The following MIB2 variants were observed in gnomAD, a reference collection of about 807,000 sequenced individuals.
MIB2 encodes the protein MIB E3 ubiquitin protein ligase 2, also known as E3 ubiquitin-protein ligase MIB2.
Under a neutral mutation model 96.6 loss-of-function variants are expected in MIB2, and 78 were observed. That is an observed-to-expected ratio of 0.81 (90% confidence interval 0.67 to 0.97). The LOEUF (loss-of-function observed/expected upper bound fraction) is 0.97, where lower values mean the gene tolerates loss of function less well. Ranked by LOEUF, MIB2 falls within the 50% of genes least tolerant of loss-of-function variation. The probability of loss-of-function intolerance (pLI) is 0.00; values close to 1 mark genes in which losing one functional copy is unlikely to be tolerated. For synonymous variants in MIB2, 820 were observed against 629.5 expected (o/e 1.30, Z -4.53); for missense variants, 1,543 against 1,424.0 (o/e 1.08, Z -1.35).
Position 1,625,559 on chromosome 1 carries a change from C to T in MIB2, c.878C>T (p.Thr293Met), listed in dbSNP as rs771357967. The change falls in exon 8 of 20, where the codon ACG (threonine) becomes ATG (methionine). Residue 293 changes from threonine to methionine, a missense_variant. By Grantham distance (81) the Thr-to-Met change is moderately conservative. Transcript: ENST00000355826. This position sits in a 1 kb window ranked among gnomAD's most constrained non-coding sequence, Gnocchi z 5.0. ...NPRMAEFIGQ[T>M]GTVHRITDRG... ...GACCCGCCACAGTTTATCGGACAGA[C>T]GGGCACCGTGCATCGTATCACGGAC... 22 of 1,581,672 alleles carry T rather than the reference C, an allele frequency of 1.4e-5. No homozygotes were observed. The highest frequency in any genetic ancestry group is 1.7e-4 in the Middle Eastern group (1 of 6,044).
chr1:1,620,726 G>A (rs1644186186), intron 2 of MIB2, among the ~76,000 whole-genome samples: 1 of 152,264 alleles, frequency 6.6e-6, no homozygotes. Context: ...CTTCTTGGGT[G>A]CTCCATGGGC....
In MIB2 at chr1:1,625,293, G is replaced by T. The variant is rs369675437; in HGVS notation, c.729G>T (p.Pro243=). The T allele has an allele frequency of 1.3e-6, 2 of 1,588,844 alleles. No individual in the cohort carries two copies. Among genetic ancestry groups the T allele is most frequent in the South Asian group, 1.1e-5 (1 of 88,678 alleles). The change falls in exon 7 of 20, where the codon CCG becomes CCT. Residue 243 remains proline, a synonymous_variant. Transcript: ENST00000355826. The surrounding 1 kb of genome is among the most constrained non-coding windows in gnomAD (Gnocchi z 5.0). ...GTCTGCCACCCTCCGCAGGCAAGCCGGCGGAGCTGCAGCGCAGGGTGAGTG... is the reference window on the plus strand; with the variant it reads ...GTCTGCCACCCTCCGCAGGCAAGCCTGCGGAGCTGCAGCGCAGGGTGAGTG... ...YKDHLPRLGK[P]AELQRRVSAD...
chr1:1,616,639 T>A (rs1405466737), intron 2 of MIB2, 25 bp downstream of exon 2: 1 of 1,546,828 alleles, frequency 6.5e-7, no homozygotes. Context: ...GTCCGCGGCC[T>A]GATAGTTTGC....
chr1:1,630,470 G>A lies in MIB2; in HGVS notation c.2808G>A (p.Ala936=), dbSNP rs371096916. The change falls in exon 20 of 20, where the codon GCG becomes GCA. Residue 936 remains alanine, a synonymous_variant. Transcript: ENST00000355826. ...GCGCATGCGCCCCCTGCGGCTCCGC[G>A]CTCAGCGCCTGCCCCATCTGCCGCC... The part of the protein sequence containing the change: ...GHGACAPCGS[A]LSACPICRQP... 4.6e-5 allele frequency: 74 copies of A among 1,593,800 alleles called. No homozygotes were observed. Among genetic ancestry groups the A allele is most frequent in the Non-Finnish European group, 6.1e-5 (72 of 1,174,324 alleles).
rs1220928204 is a variant in MIB2 at position 1,628,546 on chromosome 1, G to A, written c.2026G>A (p.Val676Met). ...RKLQSPLHLA[V>M]QQAHVGLVPL... ...GCTGCAGTCCCCGCTGCATCTCGCC[G>A]TGCAACAGGCCCACGTGGGGCTGGT... Residue 676 changes from valine (V) to methionine (M), a missense_variant, in exon 16 of 20, where the codon GTG (valine) becomes ATG (methionine). Val to Met is a conservative substitution (Grantham distance 21). Transcript: ENST00000355826. 3.1e-6 allele frequency: 5 copies of A among 1,601,462 alleles called. No homozygotes were observed. Among genetic ancestry groups the A allele is most frequent in the Non-Finnish European group, 4.2e-6 (5 of 1,178,776 alleles).
Position 1,626,938 on chromosome 1 carries a change from G to A in MIB2, c.1179G>A (p.Val393=). ...QRWTFSPSCL[V]AYRPEEDANL... ...GGACCTTCAGCCCCTCCTGCCTGGT[G>A]GCCTACCGGCCCGAGGAGGATGCCA... Residue 393 remains valine (V), a synonymous_variant, in exon 10 of 20, where the codon GTG becomes GTA. Coordinates refer to ENST00000355826, the MANE Select transcript of MIB2 (RefSeq NM_001170687.4). This position sits in a 1 kb window ranked among gnomAD's most constrained non-coding sequence, Gnocchi z 5.3. The A allele has an allele frequency of 6.2e-7, 1 of 1,610,782 alleles. No individual in the cohort carries two copies. The highest frequency in any genetic ancestry group is 1.1e-5 in the South Asian group (1 of 90,900).
chr1:1,615,361 C>G, upstream of MIB2: 2 of 1,409,662 alleles, frequency 1.4e-6, no homozygotes, highest in Admixed American at 6.4e-5. Context: ...CTAAGCCGCT[C>G]GGAACCTAGC....
rs779002812 is a variant in MIB2 at position 1,627,227 on chromosome 1, C to G, written c.1374+20C>G. 13 of 1,611,302 alleles carry G rather than the reference C, an allele frequency of 8.1e-6. No individual in the cohort carries two copies. The highest frequency in any genetic ancestry group is 1.7e-5 in the Admixed American group (1 of 59,740). ...GAGCAGGCAAGCTCCTGACCCCGTCCTCCCATACTGGCCAGTCTGAGAGTG... is the reference window on the plus strand; with the variant it reads ...GAGCAGGCAAGCTCCTGACCCCGTCGTCCCATACTGGCCAGTCTGAGAGTG... On this transcript the variant is annotated intron_variant, in intron 11 of 19. Coordinates refer to ENST00000355826, the MANE Select transcript of MIB2 (RefSeq NM_001170687.4).
chr1:1,623,080 T>C lies in MIB2; in HGVS notation c.-22-351T>C, dbSNP rs1644406184. On this transcript the variant is annotated intron_variant, in intron 2 of 19. Coordinates refer to ENST00000355826, the MANE Select transcript of MIB2 (RefSeq NM_001170687.4). Reference sequence around the variant, plus strand: ...CAGCTCTTACTTTAGTGAAGTCCAGTGTCCAGCTCATTAATTGGCTGTGGG... The same window carrying C: ...CAGCTCTTACTTTAGTGAAGTCCAGCGTCCAGCTCATTAATTGGCTGTGGG... The C allele has an allele frequency of 9.2e-6, 4 of 433,146 alleles. No individual in the cohort carries two copies. The East Asian group carries it at 1.7e-4, about 18-fold the overall frequency. The allele number at this position is 433,146 out of a possible 1,614,324, so 26.8% of individuals were successfully genotyped here.
At chr1:1,616,432 C>T in intron 1 of MIB2, 76 bp from the exon 2 acceptor site, 1 of 1,102,770 alleles carries the variant, frequency 9.1e-7, no homozygotes, top group South Asian at 1.6e-5. Context: ...CGGCGGGCAG[C>T]CCCGGGGGCA....
At chr1:1,616,948 G>T (rs1460081102) in intron 2 of MIB2, 1 of 279,210 alleles carries the variant, frequency 3.6e-6, no homozygotes, top group South Asian at 3.3e-5. Context: ...TGAATGTGGC[G>T]CTCTCCTGGC....
intron 1 of MIB2, chr1:1,615,904 C>G: frequency 6.9e-6 from 7 of 1,016,132 alleles, no homozygotes; most frequent in Non-Finnish European, 8.2e-6. Context: ...CTGGGGTCGG[C>G]GCTGGGGTCG....
At chr1:1,624,708 C>A in intron 4 of MIB2, 87 bp from the exon 5 acceptor site, 1 of 1,264,126 alleles carries the variant, frequency 7.9e-7, no homozygotes, top group Non-Finnish European at 1.1e-6. Flanking sequence ...AGGGGGCCTG[C>A]TCCACTGCAT....
In MIB2 at chr1:1,626,568, T is replaced by C; in HGVS notation, c.973-82T>C. ...GTCAGGCCTGCCTGTCTCGTGGAGC[T>C]CAGCAGGTTGCCCTCCTGTTGCATG... On this transcript the variant is annotated intron_variant, in intron 8 of 19. Coordinates refer to ENST00000355826, the MANE Select transcript of MIB2 (RefSeq NM_001170687.4). This position sits in a 1 kb window ranked among gnomAD's most constrained non-coding sequence, Gnocchi z 5.3. 11 of 1,201,120 alleles carry C rather than the reference T, an allele frequency of 9.2e-6. No homozygotes were observed. Among genetic ancestry groups the C allele is most frequent in the Non-Finnish European group, 1.1e-5 (10 of 874,288 alleles). 74.4% of individuals were successfully genotyped at this position (1,201,120 alleles called of 1,614,324 possible). A position where few individuals can be genotyped will look rare whatever the true frequency, so the allele number is the denominator to read the frequency against.
At position 1,628,587 on chromosome 1, in the gene MIB2, C is replaced by T. The variant is rs757569407; in HGVS notation, c.2067C>T (p.Asp689=). 15 of 1,600,772 alleles carry T rather than the reference C, an allele frequency of 9.4e-6. No individual in the cohort carries two copies. The highest frequency in any genetic ancestry group is 2.2e-5 in the South Asian group (2 of 90,310). The change falls in exon 16 of 20, where the codon GAC becomes GAT. Residue 689 remains aspartate (D), a synonymous_variant. Transcript: ENST00000355826. The stretch of plus-strand genomic sequence containing the variant: ...TGGGGCTGGTGCCGCTACTGGTGGA[C>T]GCTGGGTGCAGTGTCAACGCCGAGG... ...AHVGLVPLLV[D]AGCSVNAEDE...
intron 2 of MIB2, chr1:1,622,982 C>T (rs1256895050): frequency 4.1e-6 from 1 of 242,238 alleles, no homozygotes; most frequent in Admixed American, 5.4e-5. Flanking sequence ...CACGAGTCCT[C>T]TGAGGGACGC....
rs1644716038 is a variant in MIB2, at chr1:1,625,907, A to G, written c.972+254A>G. Reference sequence around the variant, plus strand: ...GCAGGTTAGGGCCTCCCTCTGTTCCAGGACACCAGGAAGGCAGGACAGCTT... The same window carrying G: ...GCAGGTTAGGGCCTCCCTCTGTTCCGGGACACCAGGAAGGCAGGACAGCTT... On this transcript the variant is annotated intron_variant, in intron 8 of 19. Transcript: ENST00000355826. The surrounding 1 kb of genome is among the most constrained non-coding windows in gnomAD (Gnocchi z 5.0). 1.8e-6 allele frequency: 1 copy of G among 552,230 alleles called. No individual in the cohort carries two copies. Among genetic ancestry groups the G allele is most frequent in the East Asian group, 3.0e-5 (1 of 33,330 alleles). The allele number at this position is 552,230 out of a possible 1,614,324, so 34.2% of individuals were successfully genotyped here.
chr1:1,615,793 C>T (rs981101354), intron 1 of MIB2, 160 bp downstream of exon 1: 2 of 1,318,814 alleles, frequency 1.5e-6, no homozygotes, highest in South Asian at 2.0e-5. Flanking sequence ...GCTGGGGCTG[C>T]GCGCGCAGCG....
intron 1 of MIB2, 200 bp from the exon 2 acceptor site, chr1:1,616,308 C>T: frequency 4.5e-6 from 2 of 440,274 alleles, no homozygotes; most frequent in Non-Finnish European, 7.5e-6. Context: ...ACCCCGGGCG[C>T]ACGCAATTAC....
Sources: allele counts gnomAD v4.1 joint callset (sites outside exome capture counted in the v4.1 genomes callset), GRCh38; gene constraint gnomAD v4.1.1; non-coding constraint Gnocchi (gnomAD v3.1); transcripts MANE v1.5; gene names NCBI Gene and HGNC (gene_info 2026-07-23, HGNC 2026-07-21).